GLI2: variants seen among roughly 807,000 people sequenced by gnomAD.
The protein encoded by GLI2 is GLI family zinc finger 2, also known as transcription activator GLI2.
GLI2 carries 22 observed loss-of-function variants against 78.9 expected under a neutral mutation model. That is an observed-to-expected ratio of 0.28 (90% CI 0.20 to 0.40). The LOEUF (loss-of-function observed/expected upper bound fraction) is 0.40, where lower values mean the gene tolerates loss of function less well. Among genes scored for constraint, GLI2 ranks in the 10% least tolerant of loss-of-function variants. The pLI is 1.00. For missense variants in GLI2, 2,097 were observed against 2,213.2 expected (o/e 0.95, Z 1.05); for synonymous variants, 974 against 963.7 (o/e 1.01, Z -0.20).
chr2:120,899,130 G>C (rs1678122244), intron 2 of GLI2, among the ~76,000 whole-genome samples: 1 of 152,188 alleles, frequency 6.6e-6, no homozygotes, highest in Non-Finnish European at 1.5e-5. Flanking sequence ...ACCCCGCCAG[G>C]AGAGCTCTTT....
At chr2:120,971,830 G>C (rs1166322375) in intron 7 of GLI2, 111 bp from the exon 8 acceptor site, 1 of 926,646 alleles carries the variant, frequency 1.1e-6, no homozygotes, top group Admixed American at 1.8e-5. Flanking sequence ...TTAAACACAG[G>C]GTTAGCCCAG....
chr2:120,797,999 G>T (rs1684487111), intron 2 of GLI2, among the ~76,000 whole-genome samples: 1 of 152,206 alleles, frequency 6.6e-6, no homozygotes, highest in Non-Finnish European at 1.5e-5. Flanking sequence ...GCCCCAAAGA[G>T]AAAGACTCTC....
intron 13 of GLI2, 85 bp downstream of exon 13, chr2:120,986,699 G>A: frequency 9.3e-7 from 1 of 1,070,352 alleles, no homozygotes; most frequent in Non-Finnish European, 1.4e-6. Context: ...AAGCACCAGT[G>A]CTATCTCACC....
intron 2 of GLI2, among the ~76,000 whole-genome samples, chr2:120,900,036 C>T (rs781367228): frequency 6.6e-6 from 1 of 152,142 alleles, no homozygotes; most frequent in Non-Finnish European, 1.5e-5. Context: ...CAGAGGCTGC[C>T]GGCCGGGGGC....
chr2:120,947,919 G>A (rs1484978924), intron 3 of GLI2, among the ~76,000 whole-genome samples: 1 of 152,260 alleles, frequency 6.6e-6, no homozygotes, highest in East Asian at 1.9e-4. Flanking sequence ...CCCTGGCACA[G>A]GGGAAGAGCA....
chr2:120,775,055 C>T (rs1032808168), intron 1 of GLI2, among the ~76,000 whole-genome samples: 3 of 152,188 alleles, frequency 2.0e-5, no homozygotes, highest in Admixed American at 2.0e-4. Context: ...GGAAATGCTG[C>T]CCCTTGCCAG....
intron 1 of GLI2, among the ~76,000 whole-genome samples, chr2:120,742,264 G>A (rs1419582967): frequency 6.6e-6 from 1 of 152,148 alleles, no homozygotes; most frequent in African/African-American, 2.4e-5. Context: ...GTAGGGATTC[G>A]AAACCTCTTA....
intron 2 of GLI2, among the ~76,000 whole-genome samples, chr2:120,912,280 T>G (rs1479952037): frequency 6.6e-6 from 1 of 151,928 alleles, no homozygotes. Context: ...AGAGGTTTTT[T>G]TTTTTTTTTT....
chr2:120,925,319 A>G (rs1573611935), intron 2 of GLI2, among the ~76,000 whole-genome samples: 1 of 152,342 alleles, frequency 6.6e-6, no homozygotes, highest in Middle Eastern at 3.4e-3. Flanking sequence ...AGTATTGTGA[A>G]ATTATGAAGA....
chr2:120,966,791 G>A (rs937457632), intron 5 of GLI2, among the ~76,000 whole-genome samples: 1 of 152,352 alleles, frequency 6.6e-6, no homozygotes, highest in African/African-American at 2.4e-5. Context: ...TAGGTGTGGA[G>A]TGGGGGGCTC....
At chr2:120,912,241 T>G (rs1297034787) in intron 2 of GLI2, among the ~76,000 whole-genome samples, 1 of 151,944 alleles carries the variant, frequency 6.6e-6, no homozygotes, top group Non-Finnish European at 1.5e-5. Flanking sequence ...TTAATTCACA[T>G]GCTTAGCTCA....
At chr2:120,794,610 G>A (rs961780126) in intron 1 of GLI2, among the ~76,000 whole-genome samples, 3 of 152,126 alleles carry the variant, frequency 2.0e-5, no homozygotes, top group African/African-American at 7.2e-5. Flanking sequence ...GGGGTGAAGT[G>A]ATGGGGCTCA....
At chr2:120,935,254 C>T (rs1366293453) in intron 3 of GLI2, among the ~76,000 whole-genome samples, 1 of 152,222 alleles carries the variant, frequency 6.6e-6, no homozygotes, top group African/African-American at 2.4e-5. Context: ...CGTGGGTCCA[C>T]ACTGCCTCTC....
intron 1 of GLI2, among the ~76,000 whole-genome samples, chr2:120,795,905 C>T (rs897454904): frequency 2.0e-5 from 3 of 152,044 alleles, no homozygotes; most frequent in Admixed American, 6.6e-5. Context: ...CAAAATTAGC[C>T]GGGCGTGGTG....
intron 2 of GLI2, among the ~76,000 whole-genome samples, chr2:120,817,756 C>G (rs1013971226): frequency 6.6e-6 from 1 of 152,178 alleles, no homozygotes; most frequent in Admixed American, 6.5e-5. Flanking sequence ...AGGCTGTGTA[C>G]ACAGTGCCCC....
intron 1 of GLI2, among the ~76,000 whole-genome samples, chr2:120,744,976 G>T (rs1682652396): frequency 6.6e-6 from 1 of 152,224 alleles, no homozygotes; most frequent in Admixed American, 6.5e-5. Flanking sequence ...GTCCAGGAAT[G>T]GATTTTCAGC....
chr2:120,908,539 A>G (rs1644530162), intron 2 of GLI2, among the ~76,000 whole-genome samples: 1 of 152,192 alleles, frequency 6.6e-6, no homozygotes, highest in South Asian at 2.1e-4. Flanking sequence ...TCCTGGGCTG[A>G]GAACTATGAG....
At chr2:120,972,150 ATGGC>A in intron 8 of GLI2, 87 bp downstream of exon 8, 1 of 1,478,646 alleles carries the variant, frequency 6.8e-7, no homozygotes. Flanking sequence ...TGGTGAACGG[ATGGC>A]TGGCTGGCTG....
At chr2:120,933,996 G>C (rs72955395) in intron 3 of GLI2, among the ~76,000 whole-genome samples, 7,535 of 152,260 alleles carry the variant, frequency 0.049, 296 homozygotes, top group African/African-American at 0.11. Context: ...GAACACACAG[G>C]GTGGGTCTTA....
Sources: gnomAD v4.1 joint callset for allele counts (sites outside exome capture counted in the v4.1 genomes callset) on GRCh38, gnomAD v4.1.1 for gene constraint, MANE v1.5 for transcripts, NCBI Gene and HGNC (gene_info 2026-07-23, HGNC 2026-07-21) for gene names.